The following SHISA9 variants were observed in gnomAD, a reference collection of about 807,000 sequenced individuals.
The protein encoded by SHISA9 is protein shisa-9.
In SHISA9, 13 loss-of-function variants were observed where a neutral mutation model predicts 38.0. That is an observed-to-expected ratio of 0.34 (90% confidence interval 0.22 to 0.54). The LOEUF is 0.54. Ranked by LOEUF, SHISA9 falls within the 20% of genes least tolerant of loss-of-function variation. The pLI is 0.91. For missense variants in SHISA9, 538 were observed against 575.8 expected (o/e 0.93, Z 0.67); for synonymous variants, 275 against 242.0 (o/e 1.14, Z -1.27).
intron 2 of SHISA9, among the ~76,000 whole-genome samples, chr16:13,196,958 G>C (rs572689094): frequency 1.3e-5 from 2 of 152,130 alleles, no homozygotes; most frequent in Admixed American, 1.3e-4. Context: ...GCCGGACATG[G>C]TGGTTCACAC....
At chr16:13,532,026 C>G in the SHISA9 span, among the ~76,000 whole-genome samples, 49 of 152,310 alleles carry the variant, frequency 3.2e-4, no homozygotes, top group Non-Finnish European at 4.0e-4. Context: ...TTTAAATCCC[C>G]TTTTCTGCCT....
intron 4 of SHISA9, 77 bp downstream of exon 4, chr16:13,213,377 C>A: frequency 3.6e-6 from 5 of 1,374,420 alleles, no homozygotes; most frequent in Non-Finnish European, 5.1e-6. Context: ...GATAGAGAGT[C>A]CTGGTGTCTG....
the SHISA9 span, among the ~76,000 whole-genome samples, chr16:13,461,825 G>C: frequency 1.3e-5 from 2 of 151,572 alleles, no homozygotes; most frequent in Non-Finnish European, 1.5e-5. Context: ...GTGTTAGCCA[G>C]GATGGTCTCG....
At chr16:13,488,931 G>A in the SHISA9 span, among the ~76,000 whole-genome samples, 2 of 151,884 alleles carry the variant, frequency 1.3e-5, no homozygotes, top group South Asian at 4.2e-4. Flanking sequence ...CTGCCACCAC[G>A]CCTGGCTAAT....
the SHISA9 span, among the ~76,000 whole-genome samples, chr16:13,318,960 C>G: frequency 1.2e-3 from 176 of 152,300 alleles, no homozygotes; most frequent in African/African-American, 4.2e-3. Flanking sequence ...TCTTTTGCTC[C>G]CATTTGGACT....
chr16:13,015,853 C>CCTTTCTTTCTTTCTTTCTTT (rs201249295), intron 2 of SHISA9, among the ~76,000 whole-genome samples: 304 of 98,612 alleles, frequency 3.1e-3, no homozygotes, highest in Middle Eastern at 5.0e-3. Context: ...TCTTTCTTTC[C>CCTTTCTTTCTTTCTTTCTTT]CTTTCTTTCT....
intron 2 of SHISA9, among the ~76,000 whole-genome samples, chr16:13,061,348 T>G (rs1244788549): frequency 6.6e-6 from 1 of 152,210 alleles, no homozygotes; most frequent in African/African-American, 2.4e-5. Context: ...AGGAAATAGT[T>G]TTGATGCCTA....
intron 2 of SHISA9, among the ~76,000 whole-genome samples, chr16:13,052,630 A>C (rs1449421684): frequency 6.6e-6 from 1 of 152,230 alleles, no homozygotes; most frequent in Non-Finnish European, 1.5e-5. Flanking sequence ...AGTTCACCCA[A>C]CCAAGAAATC....
At position 12,920,390 on chromosome 16, in the gene SHISA9, A is replaced by G. The variant is rs531022959; in HGVS notation, c.691+3575A>G. Reference sequence around the variant, plus strand: ...AATATTTACAGCAGAAAGGTTGCAAAGATAGTACCCAGAAAAATGAATAAG... The same window carrying G: ...AATATTTACAGCAGAAAGGTTGCAAGGATAGTACCCAGAAAAATGAATAAG... On this transcript the variant is annotated intron_variant, in intron 2 of 4. Transcript: ENST00000558583. Among the ~76,000 whole-genome samples the G allele has an allele frequency of 3.3e-5, 5 of 152,324 alleles. No individual in the cohort carries two copies. The East Asian group carries it at 9.6e-4, about 29-fold the overall frequency.
the SHISA9 span, among the ~76,000 whole-genome samples, chr16:13,524,589 T>C: frequency 3.3e-4 from 51 of 152,304 alleles, no homozygotes; most frequent in African/African-American, 1.2e-3. Flanking sequence ...GAAACAGTCT[T>C]GCTTTGTCAC....
intron 2 of SHISA9, among the ~76,000 whole-genome samples, chr16:13,137,793 T>G (rs543809642): frequency 6.6e-6 from 1 of 152,318 alleles, no homozygotes; most frequent in Admixed American, 6.5e-5. Context: ...GCCTCATTTC[T>G]TTGATCATGC....
At chr16:13,250,580 G>C in the SHISA9 span, among the ~76,000 whole-genome samples, 1 of 152,242 alleles carries the variant, frequency 6.6e-6, no homozygotes, top group African/African-American at 2.4e-5. Flanking sequence ...TCTTGGTCAG[G>C]AACTCTGCCT....
intron 2 of SHISA9, among the ~76,000 whole-genome samples, chr16:13,072,821 C>T (rs1305901219): frequency 6.6e-6 from 1 of 152,046 alleles, no homozygotes; most frequent in African/African-American, 2.4e-5. Context: ...CCACCACACC[C>T]AGCTAATTTT....
the SHISA9 span, among the ~76,000 whole-genome samples, chr16:13,556,349 T>C: frequency 6.6e-6 from 1 of 152,180 alleles, no homozygotes; most frequent in Non-Finnish European, 1.5e-5. Context: ...ACAGTCTGAC[T>C]CCAGAGTTCC....
chr16:13,283,357 T>C, the SHISA9 span, among the ~76,000 whole-genome samples: 2 of 152,104 alleles, frequency 1.3e-5, no homozygotes, highest in African/African-American at 2.4e-5. Context: ...CTTACTCTAG[T>C]GTATTAATCT....
At chr16:13,300,673 C>T in the SHISA9 span, among the ~76,000 whole-genome samples, 6 of 152,254 alleles carry the variant, frequency 3.9e-5, no homozygotes, top group Non-Finnish European at 5.9e-5. Flanking sequence ...AATCAATAAA[C>T]GTGCCTGTGT....
At chr16:13,107,243 C>G (rs988090856) in intron 2 of SHISA9, among the ~76,000 whole-genome samples, 4 of 151,806 alleles carry the variant, frequency 2.6e-5, no homozygotes, top group Non-Finnish European at 5.9e-5. Context: ...ACCAGCCTGG[C>G]CAACATGGTG....
the SHISA9 span, among the ~76,000 whole-genome samples, chr16:13,535,540 C>G: frequency 6.6e-6 from 1 of 152,176 alleles, no homozygotes; most frequent in Non-Finnish European, 1.5e-5. Context: ...TTTACTTATT[C>G]TCTACAGCTG....
At chr16:12,990,536 A>G (rs1006369547) in intron 2 of SHISA9, among the ~76,000 whole-genome samples, 1 of 152,182 alleles carries the variant, frequency 6.6e-6, no homozygotes, top group East Asian at 1.9e-4. Context: ...TAACCATTTT[A>G]TTATACTTGG....
Sources: allele counts gnomAD v4.1 joint callset (sites outside exome capture counted in the v4.1 genomes callset), GRCh38; gene constraint gnomAD v4.1.1; transcripts MANE v1.5; gene names NCBI Gene and HGNC (gene_info 2026-07-23, HGNC 2026-07-21).